Variants in TNFRSF11A observed in about 807,000 individuals in gnomAD.
TNFRSF11A encodes the protein TNF receptor superfamily member 11a.
A neutral mutation model predicts 55.7 loss-of-function variants in TNFRSF11A; 32 were observed. The observed-to-expected ratio is 0.57, with a 90% CI of 0.43 to 0.77. The LOEUF is 0.77. Among genes scored for constraint, TNFRSF11A ranks in the 30% least tolerant of loss-of-function variants. The probability of loss-of-function intolerance (pLI) is 0.00; values close to 1 mark genes in which losing one functional copy is unlikely to be tolerated. For synonymous variants in TNFRSF11A, 311 were observed against 331.0 expected (o/e 0.94, Z 0.65); for missense variants, 753 against 809.8 (o/e 0.93, Z 0.85).
At chr18:62,345,464 T>A (rs528129043) in intron 1 of TNFRSF11A, among the ~76,000 whole-genome samples, 2 of 152,264 alleles carry the variant, frequency 1.3e-5, no homozygotes, top group South Asian at 2.1e-4. Flanking sequence ...ACAAAGTAGG[T>A]TTCTGCTTAA....
At chr18:62,336,411 C>A (rs4436867) in intron 1 of TNFRSF11A, 23,090 of 152,202 alleles carry the variant, frequency 0.15, 2,380 homozygotes, top group Middle Eastern at 0.28. Flanking sequence ...TTCCTCCTTC[C>A]GTCACTTTGG....
At chr18:62,374,998 A>G (rs921718897) in intron 9 of TNFRSF11A, among the ~76,000 whole-genome samples, 2 of 151,424 alleles carry the variant, frequency 1.3e-5, no homozygotes, top group Admixed American at 1.3e-4. Flanking sequence ...TCCGTCCCCC[A>G]GGCTCAATCC....
chr18:62,384,670 T>A, intron 9 of TNFRSF11A, 81 bp from the exon 10 acceptor site: 1 of 1,539,920 alleles, frequency 6.5e-7, no homozygotes, highest in Admixed American at 1.9e-5. Context: ...CGCCCTCCAC[T>A]CCCCGGAACC....
chr18:62,374,060 C>T (rs1181637284), intron 9 of TNFRSF11A: 1 of 152,194 alleles, frequency 6.6e-6, no homozygotes, highest in African/African-American at 2.4e-5. Flanking sequence ...CTCGTAAGGG[C>T]AGATACTGGT....
chr18:62,365,963 C>T (rs1249725113), intron 7 of TNFRSF11A, among the ~76,000 whole-genome samples: 1 of 151,964 alleles, frequency 6.6e-6, no homozygotes, highest in African/African-American at 2.4e-5. Context: ...GATTACAGGA[C>T]ATTGCCACCA....
intron 9 of TNFRSF11A, among the ~76,000 whole-genome samples, chr18:62,377,160 C>T (rs1600419646): frequency 1.3e-5 from 2 of 152,302 alleles, no homozygotes; most frequent in East Asian, 3.9e-4. Flanking sequence ...TGAGAGTCGC[C>T]CGCCTCGGCC....
chr18:62,370,109 C>A (rs1050925279), intron 9 of TNFRSF11A, among the ~76,000 whole-genome samples: 25 of 152,186 alleles, frequency 1.6e-4, no homozygotes, highest in Admixed American at 2.6e-4. Context: ...ATAATTTTAA[C>A]AATTTAACAT....
chr18:62,360,626 T>C (rs1199424260), intron 6 of TNFRSF11A, among the ~76,000 whole-genome samples: 1 of 152,106 alleles, frequency 6.6e-6, no homozygotes, highest in African/African-American at 2.4e-5. Flanking sequence ...TTTGTGTTTT[T>C]AGTAGAGACA....
intron 1 of TNFRSF11A, among the ~76,000 whole-genome samples, chr18:62,347,686 G>A (rs537529518): frequency 1.3e-5 from 2 of 152,284 alleles, no homozygotes; most frequent in Non-Finnish European, 2.9e-5. Flanking sequence ...GCCGAGGCGG[G>A]TGGATCACCT....
chr18:62,385,950 A>G lies in TNFRSF11A; in HGVS notation c.*916A>G, dbSNP rs1353532703. ...TGGTGGGACTTTCATATTCTGAAAAATGTTCTATATTCTCATTTTTCTAAA... is the reference window on the plus strand; with the variant it reads ...TGGTGGGACTTTCATATTCTGAAAAGTGTTCTATATTCTCATTTTTCTAAA... On this transcript the variant is annotated 3_prime_UTR_variant, in exon 10 of 10. Transcript: ENST00000586569. The G allele has an allele frequency of 6.6e-6, 1 of 152,174 alleles. No homozygotes were observed. The highest frequency in any genetic ancestry group is 1.5e-5 in the Non-Finnish European group (1 of 68,030). 9.4% of individuals were successfully genotyped at this position (152,174 alleles called of 1,614,324 possible).
chr18:62,348,931 A>G (rs2046423685), intron 2 of TNFRSF11A, among the ~76,000 whole-genome samples: 1 of 152,226 alleles, frequency 6.6e-6, no homozygotes, highest in African/African-American at 2.4e-5. Context: ...TGTGTGTTGG[A>G]TAGGCGGGTG....
At chr18:62,372,203 G>C (rs1910604323) in intron 9 of TNFRSF11A, among the ~76,000 whole-genome samples, 1 of 152,132 alleles carries the variant, frequency 6.6e-6, no homozygotes, top group Non-Finnish European at 1.5e-5. Context: ...ATCAGTGAAG[G>C]GGGAAGCATA....
chr18:62,332,866 C>G (rs1412786612), intron 1 of TNFRSF11A, among the ~76,000 whole-genome samples: 1 of 152,216 alleles, frequency 6.6e-6, no homozygotes, highest in Non-Finnish European at 1.5e-5. Context: ...TTCAGAGAGG[C>G]TGAGATCTGA....
chr18:62,345,393 A>G (rs2046368360), intron 1 of TNFRSF11A, among the ~76,000 whole-genome samples: 1 of 152,232 alleles, frequency 6.6e-6, no homozygotes, highest in South Asian at 2.1e-4. Context: ...TTTAAGTTGT[A>G]TGTATATTGC....
rs981312825 is a variant in TNFRSF11A, at chr18:62,325,724, C to G, written c.75+297C>G. ...GCAGGCTTTGATGCTGTCATTTTCT[C>G]CAAATGCTTCTTGAGCACCTACTAA... On this transcript the variant is annotated intron_variant, in intron 1 of 9. Coordinates refer to ENST00000586569, the MANE Select transcript of TNFRSF11A (RefSeq NM_003839.4). The surrounding 1 kb of genome is among the most constrained non-coding windows in gnomAD (Gnocchi z 4.7). 6.6e-6 allele frequency among the ~76,000 whole-genome samples: 1 copy of G among 152,220 alleles called. No homozygotes were observed. The highest frequency in any genetic ancestry group is 2.4e-5 in the African/African-American group (1 of 41,464).
rs1491294842 is a variant in TNFRSF11A at position 62,337,018 on chromosome 18, A to AG, written c.76-11149dup. ...AAGCACATCTGGAATCAAGGTGGTC[A>AG]GAGGGGGAAATGCTGATGGGCCCAA... On this transcript the variant is annotated intron_variant, in intron 1 of 9. Transcript: ENST00000586569. Among the ~76,000 whole-genome samples, 55 of 151,258 alleles carry AG rather than the reference A, an allele frequency of 3.6e-4. 1 individual carries two copies. The highest frequency in any genetic ancestry group is 9.4e-4 in the African/African-American group (38 of 40,606).
intron 7 of TNFRSF11A, 143 bp downstream of exon 7, chr18:62,361,936 G>A: frequency 1.2e-6 from 1 of 815,326 alleles, no homozygotes. Flanking sequence ...TCATTCTCTG[G>A]CAAAAAGAAA....
At chr18:62,380,846 G>A (rs1159502973) in intron 9 of TNFRSF11A, among the ~76,000 whole-genome samples, 1 of 150,306 alleles carries the variant, frequency 6.7e-6, no homozygotes, top group South Asian at 2.1e-4. Flanking sequence ...CTGTCACCCA[G>A]GCTGGAGTGC....
intron 9 of TNFRSF11A, among the ~76,000 whole-genome samples, chr18:62,379,135 G>T (rs1911091532): frequency 6.6e-6 from 1 of 152,232 alleles, no homozygotes; most frequent in African/African-American, 2.4e-5. Context: ...CTGCAAGCTG[G>T]TGTTTGTGAT....
Sources: allele counts gnomAD v4.1 joint callset (sites outside exome capture counted in the v4.1 genomes callset), GRCh38; gene constraint gnomAD v4.1.1; non-coding constraint Gnocchi (gnomAD v3.1); transcripts MANE v1.5; gene names NCBI Gene and HGNC (gene_info 2026-07-23, HGNC 2026-07-21).